The following CRY1 variants were observed in gnomAD, a reference collection of about 807,000 sequenced individuals.
The protein encoded by CRY1 is cryptochrome circadian regulator 1.
CRY1 carries 45 observed loss-of-function variants against 76.0 expected under a neutral mutation model. The ratio of observed to expected loss-of-function variants is 0.59; its 90% confidence interval spans 0.47 to 0.76. The LOEUF (loss-of-function observed/expected upper bound fraction) is 0.76. Among genes scored for constraint, CRY1 ranks in the 30% least tolerant of loss-of-function variants. CRY1 has a pLI of 0.00. For missense variants in CRY1, 587 were observed against 716.4 expected (o/e 0.82, Z 2.06); for synonymous variants, 248 against 244.0 (o/e 1.02, Z -0.15).
chr12:107,072,063 T>C (rs888451704), intron 1 of CRY1, among the ~76,000 whole-genome samples: 3 of 152,240 alleles, frequency 2.0e-5, no homozygotes, highest in East Asian at 1.9e-4. Context: ...TCAAGTAGTA[T>C]AGTCAAGTCT....
At chr12:107,073,907 G>A (rs960915173) in intron 1 of CRY1, among the ~76,000 whole-genome samples, 10 of 152,058 alleles carry the variant, frequency 6.6e-5, no homozygotes, top group African/African-American at 2.2e-4. Flanking sequence ...CAACTGTATC[G>A]GGATATCCCA....
At chr12:107,028,207 CTATTA>C (rs1952636623) in intron 1 of CRY1, among the ~76,000 whole-genome samples, 2 of 152,024 alleles carry the variant, frequency 1.3e-5, no homozygotes, top group Admixed American at 1.3e-4. Context: ...TAACCAAAGT[CTATTA>C]TATTTTATTA....
Position 107,022,067 on chromosome 12 carries a change from A to T in CRY1, c.267+17T>A, listed in dbSNP as rs748171024. On this transcript the variant is annotated intron_variant, in intron 2 of 12. Coordinates refer to ENST00000008527, the MANE Select transcript of CRY1 (RefSeq NM_004075.5). ...ATCTGAGAAAAGATTGTTTTATGCA[A>T]ATATTTTTCAAATTACCTTGAAAAG... is the stretch of plus-strand genomic sequence containing the variant. 2 of 1,552,908 alleles carry T rather than the reference A, an allele frequency of 1.3e-6. No individual in the cohort carries two copies. The highest frequency in any genetic ancestry group is 1.8e-6 in the Non-Finnish European group (2 of 1,131,802).
At position 107,087,901 on chromosome 12, in the gene CRY1, T is replaced by G. The variant is rs367546663; in HGVS notation, c.158+4903A>C. On this transcript the variant is annotated intron_variant, in intron 1 of 12. Transcript: ENST00000008527. ...AGTAATAAAAAAAATTACCTGGCCA[T>G]GGTAATGCATGCCTGTGGTCCCAGC... 1.6e-4 allele frequency among the ~76,000 whole-genome samples: 24 copies of G among 152,056 alleles called. No homozygotes were observed. In the East Asian group the frequency reaches 4.6e-3, roughly 29 times the overall value.
At chr12:107,047,179 T>C (rs1346322031) in intron 1 of CRY1, among the ~76,000 whole-genome samples, 1 of 152,206 alleles carries the variant, frequency 6.6e-6, no homozygotes, top group Non-Finnish European at 1.5e-5. Context: ...CAAGTATCTT[T>C]TCTGACCACA....
chr12:107,072,809 C>T (rs1376347741), intron 1 of CRY1: 10 of 152,102 alleles, frequency 6.6e-5, no homozygotes, highest in African/African-American at 1.4e-4. Context: ...ACACTTTCTT[C>T]GTATCATTTG....
intron 1 of CRY1, among the ~76,000 whole-genome samples, chr12:107,040,535 C>T (rs575314668): frequency 2.0e-5 from 3 of 151,994 alleles, no homozygotes; most frequent in East Asian, 3.9e-4. Context: ...CCACCCACAT[C>T]GGCCTCCCAA....
intron 1 of CRY1, among the ~76,000 whole-genome samples, chr12:107,084,174 T>C (rs1565847617): frequency 1.3e-5 from 2 of 151,974 alleles, no homozygotes; most frequent in Admixed American, 1.3e-4. Context: ...CTCAAAGAAA[T>C]AAGAGAGGAC....
chr12:107,001,943 A>G lies in CRY1; in HGVS notation c.416T>C (p.Ile139Thr). 8 of 1,582,968 alleles carry G rather than the reference A, an allele frequency of 5.1e-6. No individual in the cohort carries two copies. Among genetic ancestry groups the G allele is most frequent in the Non-Finnish European group, 5.1e-6 (6 of 1,171,224 alleles). Residue 139 changes from isoleucine (I) to threonine (T), a missense_variant, in exon 4 of 13, where the codon ATA becomes ACA. Transcript: ENST00000008527. Reference protein sequence around the residue: ...SHTLYDLDKIIELNGGQPPLT... With the variant: ...SHTLYDLDKITELNGGQPPLT... The stretch of plus-strand genomic sequence containing the variant: ...AGGCGGTTGTCCACCATTGAGTTCT[A>G]TGATCCTATAACAAGAGTTAGTAAA...
intron 1 of CRY1, among the ~76,000 whole-genome samples, chr12:107,038,588 T>C (rs1388197087): frequency 6.6e-6 from 1 of 151,992 alleles, no homozygotes. Context: ...TAACGGAATA[T>C]AAAAGCAAGA....
intron 1 of CRY1, among the ~76,000 whole-genome samples, chr12:107,065,785 C>T (rs1488653309): frequency 6.6e-6 from 1 of 152,154 alleles, no homozygotes; most frequent in African/African-American, 2.4e-5. Context: ...TTATTCCTAA[C>T]ATTTCATATT....
chr12:107,078,588 T>G (rs568945069), intron 1 of CRY1, among the ~76,000 whole-genome samples: 1 of 152,278 alleles, frequency 6.6e-6, no homozygotes, highest in Non-Finnish European at 1.5e-5. Context: ...CCAGGCATGC[T>G]TCATCCATTA....
In CRY1 at chr12:107,019,910, C is replaced by T. The variant is rs538367304; in HGVS notation, c.267+2174G>A. Reference sequence around the variant, plus strand: ...CTACAGTCAGGGCAACAGAGCGAAACCCTGTCTCCCCAGCACCAAACAAAA... The same window carrying T: ...CTACAGTCAGGGCAACAGAGCGAAATCCTGTCTCCCCAGCACCAAACAAAA... On this transcript the variant is annotated intron_variant, in intron 2 of 12. Coordinates refer to ENST00000008527, the MANE Select transcript of CRY1 (RefSeq NM_004075.5). 5.9e-5 allele frequency among the ~76,000 whole-genome samples: 9 copies of T among 152,168 alleles called. No individual in the cohort carries two copies. The South Asian group carries it at 1.9e-3, about 32-fold the overall frequency.
At chr12:107,032,274 A>G (rs1952685840) in intron 1 of CRY1, among the ~76,000 whole-genome samples, 1 of 152,216 alleles carries the variant, frequency 6.6e-6, no homozygotes, top group Admixed American at 6.5e-5. Flanking sequence ...CACCATGGAA[A>G]TGGAAATGTT....
chr12:107,057,839 G>A (rs572244023), intron 1 of CRY1, among the ~76,000 whole-genome samples: 1 of 152,062 alleles, frequency 6.6e-6, no homozygotes, highest in Non-Finnish European at 1.5e-5. Flanking sequence ...CAAGAGAACT[G>A]ATTGAGGCCA....
chr12:107,027,322 T>C (rs912453452), intron 1 of CRY1, among the ~76,000 whole-genome samples: 1 of 152,182 alleles, frequency 6.6e-6, no homozygotes, highest in South Asian at 2.1e-4. Context: ...AAAATACATA[T>C]GATATCATCT....
intron 1 of CRY1, among the ~76,000 whole-genome samples, chr12:107,079,963 G>A (rs976840614): frequency 7.2e-5 from 11 of 152,104 alleles, no homozygotes; most frequent in Non-Finnish European, 2.9e-5. Context: ...GGGCAAGGGG[G>A]ACAATGATTT....
intron 1 of CRY1, among the ~76,000 whole-genome samples, chr12:107,038,924 A>G (rs1424216030): frequency 6.6e-6 from 1 of 152,196 alleles, no homozygotes; most frequent in East Asian, 1.9e-4. Flanking sequence ...CCAATGTTCC[A>G]TCCCTCCCAG....
chr12:107,009,505 C>A (rs1302234647), intron 2 of CRY1, among the ~76,000 whole-genome samples: 1 of 149,132 alleles, frequency 6.7e-6, no homozygotes, highest in East Asian at 2.0e-4. Context: ...TACCACTGCA[C>A]TCCAGCCTGG....
Sources: allele counts gnomAD v4.1 joint callset (sites outside exome capture counted in the v4.1 genomes callset), GRCh38; gene constraint gnomAD v4.1.1; transcripts MANE v1.5; gene names NCBI Gene and HGNC (gene_info 2026-07-23, HGNC 2026-07-21).